The following PACSIN2 variants were observed in gnomAD, a reference collection of about 807,000 sequenced individuals.
PACSIN2 encodes protein kinase C and casein kinase substrate in neurons 2.
PACSIN2 carries 25 observed loss-of-function variants against 63.8 expected under a neutral mutation model. That is an observed-to-expected ratio of 0.39 (90% CI 0.29 to 0.55). The LOEUF (loss-of-function observed/expected upper bound fraction) is 0.55, where lower values mean the gene tolerates loss of function less well. Ranked by LOEUF, PACSIN2 falls within the 20% of genes least tolerant of loss-of-function variation. The probability of loss-of-function intolerance (pLI) is 0.62; values close to 1 mark genes in which losing one functional copy is unlikely to be tolerated. For synonymous variants in PACSIN2, 255 were observed against 256.2 expected, an observed-to-expected ratio of 1.00 and a Z score of 0.05; for missense variants, 518 against 646.9, an observed-to-expected ratio of 0.80 and a Z score of 2.16.
At chr22:43,014,655 C>A (rs1924761214) in intron 1 of PACSIN2, among the ~76,000 whole-genome samples, 1 of 151,896 alleles carries the variant, frequency 6.6e-6, no homozygotes, top group Non-Finnish European at 1.5e-5. Flanking sequence ...CTCCCCCACT[C>A]ATTAGCAGCT....
At chr22:42,921,420 T>G (rs1254165940) in intron 1 of PACSIN2, among the ~76,000 whole-genome samples, 1 of 149,676 alleles carries the variant, frequency 6.7e-6, no homozygotes, top group African/African-American at 2.5e-5. Context: ...CAAGTACAGA[T>G]GACTTTCAGG....
At position 42,957,093 on chromosome 22, in the gene PACSIN2, ACTT is replaced by A. The variant is rs1933946876; in HGVS notation, c.-77-44939_-77-44937del. Among the ~76,000 whole-genome samples the A allele has an allele frequency of 2.0e-5, 3 of 150,052 alleles. No homozygotes were observed. In the South Asian group the frequency reaches 6.2e-4, roughly 31 times the overall value. On this transcript the variant is annotated intron_variant, in intron 1 of 10. Transcript: ENST00000263246. ...CTGCGGCTCCTGAGCCTGCAGCCCC[ACTT>A]CTTCTCTAGGATAATGTCGCCTGGC...
intron 9 of PACSIN2, 62 bp downstream of exon 9, chr22:42,876,824 CAG>C (rs35041824): frequency 1.1e-5 from 18 of 1,565,696 alleles, no homozygotes; most frequent in Non-Finnish European, 1.6e-5. Flanking sequence ...GACCCCTGGA[CAG>C]AGAGAGAGGA....
At chr22:42,925,206 G>A (rs1932459640) in intron 1 of PACSIN2, among the ~76,000 whole-genome samples, 1 of 152,016 alleles carries the variant, frequency 6.6e-6, no homozygotes, top group Non-Finnish European at 1.5e-5. Flanking sequence ...TAGGGCCGGG[G>A]CGGTGGCTCA....
At chr22:42,887,603 C>T (rs546515252) in intron 5 of PACSIN2, among the ~76,000 whole-genome samples, 4 of 152,208 alleles carry the variant, frequency 2.6e-5, no homozygotes, top group Admixed American at 2.0e-4. Context: ...GGCAGGCCCT[C>T]GGCAATCACA....
intron 1 of PACSIN2, among the ~76,000 whole-genome samples, chr22:42,934,024 C>G (rs936427133): frequency 1.3e-5 from 2 of 152,228 alleles, no homozygotes; most frequent in Non-Finnish European, 2.9e-5. Flanking sequence ...CAAATACTTA[C>G]AAGAACAGCC....
At chr22:42,882,049 C>T (rs1929114854) in intron 7 of PACSIN2, 135 bp downstream of exon 7, 1 of 1,037,588 alleles carries the variant, frequency 9.6e-7, no homozygotes, top group African/African-American at 1.6e-5. Context: ...TGTACTATAG[C>T]TATGCCTAAA....
chr22:42,933,409 A>G (rs17003422), intron 1 of PACSIN2, among the ~76,000 whole-genome samples: 65 of 152,366 alleles, frequency 4.3e-4, no homozygotes, highest in Middle Eastern at 3.4e-3. Flanking sequence ...TTCTCAAAAC[A>G]AGAGACCTGC....
At chr22:43,004,131 C>T (rs1301709418) in intron 1 of PACSIN2, among the ~76,000 whole-genome samples, 1 of 152,156 alleles carries the variant, frequency 6.6e-6, no homozygotes, top group East Asian at 1.9e-4. Flanking sequence ...TCCAGCCAGC[C>T]AGAGGAGGTG....
At chr22:43,003,557 C>T (rs1228195014) in intron 1 of PACSIN2, among the ~76,000 whole-genome samples, 2 of 152,112 alleles carry the variant, frequency 1.3e-5, no homozygotes, top group East Asian at 1.9e-4. Flanking sequence ...GAGCCGAGAT[C>T]GCGCCACTGC....
chr22:42,916,352 T>C (rs1601514496), intron 1 of PACSIN2, among the ~76,000 whole-genome samples: 2 of 128,004 alleles, frequency 1.6e-5, no homozygotes, highest in South Asian at 5.2e-4. Flanking sequence ...TGTACAACCA[T>C]GGCCAATCTG....
At chr22:42,988,483 C>CAATGAA (rs1344788699) in intron 1 of PACSIN2, among the ~76,000 whole-genome samples, 1 of 152,228 alleles carries the variant, frequency 6.6e-6, no homozygotes, top group Non-Finnish European at 1.5e-5. Flanking sequence ...ATACATTATG[C>CAATGAA]AATGAACTGA....
chr22:42,910,327 T>C (rs574821118), intron 2 of PACSIN2, among the ~76,000 whole-genome samples: 1 of 152,308 alleles, frequency 6.6e-6, no homozygotes, highest in African/African-American at 2.4e-5. Context: ...GGTTTCTATC[T>C]ATAGTTTTGG....
intron 1 of PACSIN2, among the ~76,000 whole-genome samples, chr22:42,938,636 G>A: frequency 6.6e-6 from 1 of 152,218 alleles, no homozygotes; most frequent in East Asian, 1.9e-4. Context: ...GACCATTTAG[G>A]TTGCACCATC....
chr22:43,005,640 T>C (rs1666148307), intron 1 of PACSIN2, among the ~76,000 whole-genome samples: 1 of 152,202 alleles, frequency 6.6e-6, no homozygotes. Context: ...TAAATAGAAC[T>C]GGATAAAATC....
At chr22:42,982,632 G>A (rs1471477294) in intron 1 of PACSIN2, among the ~76,000 whole-genome samples, 3 of 126,714 alleles carry the variant, frequency 2.4e-5, no homozygotes, top group Admixed American at 1.8e-4. Flanking sequence ...ATGGATTAAG[G>A]GCGGTGCAAG....
chr22:42,976,287 C>T (rs1201831146), intron 1 of PACSIN2, among the ~76,000 whole-genome samples: 1 of 152,204 alleles, frequency 6.6e-6, no homozygotes, highest in Non-Finnish European at 1.5e-5. Flanking sequence ...CCAGCCCAAC[C>T]CCAGGAATTC....
intron 1 of PACSIN2, among the ~76,000 whole-genome samples, chr22:42,943,686 C>T (rs1285302589): frequency 1.3e-5 from 2 of 152,062 alleles, no homozygotes; most frequent in Non-Finnish European, 2.9e-5. Context: ...AGATTAAAAC[C>T]ACCTGACATT....
Position 42,891,124 on chromosome 22 carries a change from C to T in PACSIN2, c.276G>A (p.Arg92=). The stretch of plus-strand genomic sequence containing the variant: ...TCACCTCGAGGTGCAGCTCGCTCAC[C>T]CTCTCTGCCTCGGACATGAAGGCCA... ...AWMAFMSEAE[R]VSELHLEVKA... is the part of the protein sequence containing the mutation. Residue 92 remains arginine, a synonymous_variant, in exon 4 of 11, where the codon AGG becomes AGA. Transcript: ENST00000263246. The T allele has an allele frequency of 6.2e-7, 1 of 1,614,140 alleles. No homozygotes were observed. The highest frequency in any genetic ancestry group is 2.2e-5 in the East Asian group (1 of 44,874).
Sources: gnomAD v4.1 joint callset for allele counts (sites outside exome capture counted in the v4.1 genomes callset) on GRCh38, gnomAD v4.1.1 for gene constraint, MANE v1.5 for transcripts, NCBI Gene and HGNC (gene_info 2026-07-23, HGNC 2026-07-21) for gene names.